PCDHGA4: variants seen among roughly 807,000 people sequenced by gnomAD.
PCDHGA4 encodes the protein protocadherin gamma subfamily A, 4, also known as protocadherin gamma-A4.
A neutral mutation model predicts 54.6 loss-of-function variants in PCDHGA4; 38 were observed. The observed-to-expected ratio is 0.70, with a 90% CI of 0.54 to 0.91. The LOEUF is 0.91. Ranked by LOEUF, PCDHGA4 falls within the 40% of genes least tolerant of loss-of-function variation. PCDHGA4 has a pLI of 0.00. For synonymous variants in PCDHGA4, 511 were observed against 512.9 expected (o/e 1.00, Z 0.05); for missense variants, 1,298 against 1,220.9 (o/e 1.06, Z -0.94).
At chr5:141,389,036 G>A in intron 1 of PCDHGA4, 1 of 1,613,928 alleles carries the variant, frequency 6.2e-7, no homozygotes, top group Non-Finnish European at 8.5e-7. Flanking sequence ...CTTGTAAATT[G>A]GAAGGTGATG....
chr5:141,505,523 G>A, intron 3 of PCDHGA4, 42 bp downstream of exon 3: 1 of 1,612,760 alleles, frequency 6.2e-7, no homozygotes, highest in Middle Eastern at 1.7e-4. Flanking sequence ...GGGAGACCTG[G>A]GGTTCTGGGG....
In PCDHGA4 at chr5:141,418,992, A is replaced by G. The variant is rs554523363; in HGVS notation, c.2514+61371A>G. 28 of 1,613,802 alleles carry G rather than the reference A, an allele frequency of 1.7e-5. No individual in the cohort carries two copies. The African/African-American group carries it at 2.7e-4, about 15-fold the overall frequency. On this transcript the variant is annotated intron_variant, in intron 1 of 3. Coordinates refer to ENST00000571252, the MANE Select transcript of PCDHGA4 (RefSeq NM_018917.4). Reference sequence around the variant, plus strand: ...AAAACACGGGACCAAGACTCAGGGGAAAATGGGGAAGTCAGGTGTAGCTTA... The same window carrying G: ...AAAACACGGGACCAAGACTCAGGGGGAAATGGGGAAGTCAGGTGTAGCTTA...
intron 1 of PCDHGA4, 82 bp from the exon 2 acceptor site, chr5:141,494,725 C>G: frequency 6.2e-7 from 1 of 1,610,026 alleles, no homozygotes; most frequent in East Asian, 2.2e-5. Flanking sequence ...CCCTCCTTCT[C>G]TCCCGGCCCA....
chr5:141,360,432 G>A lies in PCDHGA4; in HGVS notation c.2514+2811G>A, dbSNP rs753356248. Reference sequence around the variant, plus strand: ...ACCGAGAACAGATATGCGGGAAGCAGCCTCTGTGTGTTCTGGATTTCGATA... The same window carrying A: ...ACCGAGAACAGATATGCGGGAAGCAACCTCTGTGTGTTCTGGATTTCGATA... On this transcript the variant is annotated intron_variant, in intron 1 of 3. Coordinates refer to ENST00000571252, the MANE Select transcript of PCDHGA4 (RefSeq NM_018917.4). 45 of 1,613,876 alleles carry A rather than the reference G, an allele frequency of 2.8e-5. No homozygotes were observed. In the Admixed American group the frequency reaches 6.8e-4, roughly 25 times the overall value.
Position 141,489,343 on chromosome 5 carries a change from G to A in PCDHGA4, c.2515-5464G>A, listed in dbSNP as rs377697321. On this transcript the variant is annotated intron_variant, in intron 1 of 3. Coordinates refer to ENST00000571252, the MANE Select transcript of PCDHGA4 (RefSeq NM_018917.4). This position sits in a 1 kb window ranked among gnomAD's most constrained non-coding sequence, Gnocchi z 4.5. ...GGTGTCTGGGCAGCTTCGTTACTCA[G>A]TGGTGGAGGAGTCTGAGCCGGGGAC... The A allele has an allele frequency of 5.6e-6, 9 of 1,611,264 alleles. No individual in the cohort carries two copies. Among genetic ancestry groups the A allele is most frequent in the Non-Finnish European group, 7.6e-6 (9 of 1,178,202 alleles).
chr5:141,423,335 G>T (rs781241820), intron 1 of PCDHGA4: 11 of 1,614,046 alleles, frequency 6.8e-6, no homozygotes, highest in Non-Finnish European at 9.3e-6. Context: ...GCAGTCTCCT[G>T]CATCTTCCTG....
chr5:141,414,849 C>G (rs10038103), intron 1 of PCDHGA4: 1 of 1,614,134 alleles, frequency 6.2e-7, no homozygotes, highest in African/African-American at 1.3e-5. Flanking sequence ...TTGTGCTGGA[C>G]CAGAACGACA....
At chr5:141,503,004 C>T (rs114294610) in intron 2 of PCDHGA4, among the ~76,000 whole-genome samples, 5,013 of 145,894 alleles carry the variant, frequency 0.034, 127 homozygotes, top group South Asian at 0.076. Context: ...CCACCATGCC[C>T]GGTTAATTTT....
intron 1 of PCDHGA4, chr5:141,378,418 G>T (rs1018299998): frequency 6.6e-6 from 1 of 152,330 alleles, no homozygotes; most frequent in African/African-American, 2.4e-5. Flanking sequence ...AGCTACTCGG[G>T]AGGCTGAGGC....
At position 141,403,043 on chromosome 5, in the gene PCDHGA4, A is replaced by C. The variant is rs779412498; in HGVS notation, c.2514+45422A>C. On this transcript the variant is annotated intron_variant, in intron 1 of 3. Coordinates refer to ENST00000571252, the MANE Select transcript of PCDHGA4 (RefSeq NM_018917.4). ...GCTATGGGAGGCCAGGGCCAGTCAG[A>C]TTCGCTACTCAGTGCCTGAAGAGAC... 21 of 1,614,070 alleles carry C rather than the reference A, an allele frequency of 1.3e-5. No homozygotes were observed. In the South Asian group the frequency reaches 2.3e-4, roughly 18 times the overall value.
intron 1 of PCDHGA4, chr5:141,366,678 A>G (rs1764735373): frequency 1.9e-6 from 3 of 1,614,146 alleles, no homozygotes; most frequent in East Asian, 2.2e-5. Context: ...CTTAGTGAAG[A>G]GAGCTGTGAG....
intron 1 of PCDHGA4, among the ~76,000 whole-genome samples, chr5:141,469,667 T>C (rs62379201): frequency 0.22 from 32,952 of 152,218 alleles, 3,707 homozygotes; most frequent in African/African-American, 0.28. Flanking sequence ...CTTGTTCTAA[T>C]AAAACTACAT....
chr5:141,425,555 A>C (rs1282440598), intron 1 of PCDHGA4, among the ~76,000 whole-genome samples: 2 of 152,388 alleles, frequency 1.3e-5, no homozygotes, highest in Middle Eastern at 6.8e-3. Context: ...AACCTCTTTT[A>C]TAAGTGATAA....
rs1345849371 is a variant in PCDHGA4 at position 141,362,707 on chromosome 5, G to A, written c.2514+5086G>A. On this transcript the variant is annotated intron_variant, in intron 1 of 3. Coordinates refer to ENST00000571252, the MANE Select transcript of PCDHGA4 (RefSeq NM_018917.4). Reference sequence around the variant, plus strand: ...AATCTTATCTAACTGAATTTTAAGTGTTTTCTCTCTGAAGTGTGAGATTTA... The same window carrying A: ...AATCTTATCTAACTGAATTTTAAGTATTTTCTCTCTGAAGTGTGAGATTTA... The A allele has an allele frequency of 1.5e-5, 15 of 973,906 alleles. No individual in the cohort carries two copies. The South Asian group carries it at 2.3e-4, about 15-fold the overall frequency. The allele number at this position is 973,906 out of a possible 1,614,324, so 60.3% of individuals were successfully genotyped here.
chr5:141,355,932 G>A lies in PCDHGA4; in HGVS notation c.825G>A (p.Gln275=), dbSNP rs139771811. 8.1e-6 allele frequency: 13 copies of A among 1,613,772 alleles called. No individual in the cohort carries two copies. The highest frequency in any genetic ancestry group is 1.0e-5 in the Non-Finnish European group (12 of 1,179,852). Residue 275 remains glutamine (Q), a synonymous_variant, in exon 1 of 4, where the codon CAG becomes CAA. Transcript: ENST00000571252. ...ACGATAATGCTCCCGTGTTCACTCAGCCCGAGTACCACGTAAGTGTTCGTG... is the reference window on the plus strand; with the variant it reads ...ACGATAATGCTCCCGTGTTCACTCAACCCGAGTACCACGTAAGTGTTCGTG... ...DTNDNAPVFT[Q]PEYHVSVREN...
intron 1 of PCDHGA4, chr5:141,415,974 CAA>C (rs1192315813): frequency 2.7e-6 from 1 of 375,644 alleles, no homozygotes; most frequent in Non-Finnish European, 4.4e-6. Context: ...GCCCCTTAAG[CAA>C]CCCTCTTGTT....
chr5:141,421,791 T>TG, intron 1 of PCDHGA4: 1 of 1,613,792 alleles, frequency 6.2e-7, no homozygotes, highest in Non-Finnish European at 8.5e-7. Flanking sequence ...GCAGAACGGA[T>TG]GGGGCCAAGA....
Position 141,491,245 on chromosome 5 carries a change from G to A in PCDHGA4, c.2515-3562G>A, listed in dbSNP as rs1171588507. ...CACAGTGCTGCTGGTTCTGGAGGATGAGGACCCTGAGGAAATGCCCAAATC... is the reference window on the plus strand; with the variant it reads ...CACAGTGCTGCTGGTTCTGGAGGATAAGGACCCTGAGGAAATGCCCAAATC... On this transcript the variant is annotated intron_variant, in intron 1 of 3. Transcript: ENST00000571252. The surrounding 1 kb of genome is among the most constrained non-coding windows in gnomAD (Gnocchi z 6.9). 2 of 1,614,086 alleles carry A rather than the reference G, an allele frequency of 1.2e-6. No individual in the cohort carries two copies. Among genetic ancestry groups the A allele is most frequent in the East Asian group, 4.5e-5 (2 of 44,888 alleles).
At chr5:141,390,163 C>G (rs376391116) in intron 1 of PCDHGA4, 6 of 1,613,992 alleles carry the variant, frequency 3.7e-6, no homozygotes, top group Non-Finnish European at 5.1e-6. Flanking sequence ...ACAGGAAAGA[C>G]GGAGTTTAAT....
Sources: allele counts gnomAD v4.1 joint callset (sites outside exome capture counted in the v4.1 genomes callset), GRCh38; gene constraint gnomAD v4.1.1; non-coding constraint Gnocchi (gnomAD v3.1); transcripts MANE v1.5; gene names NCBI Gene and HGNC (gene_info 2026-07-23, HGNC 2026-07-21).